Variants in GMDS observed in about 807,000 individuals in gnomAD.
The protein encoded by GMDS is GDP-mannose 4,6 dehydratase.
A neutral mutation model predicts 49.9 loss-of-function variants in GMDS; 20 were observed. That is an observed-to-expected ratio of 0.40 (90% CI 0.28 to 0.58). GMDS has a LOEUF of 0.58. GMDS is among the 20% of genes least tolerant of loss of function. The pLI is 0.42. For missense variants in GMDS, 362 were observed against 481.4 expected (o/e 0.75, Z 2.32); for synonymous variants, 177 against 178.6 (o/e 0.99, Z 0.07).
At chr6:2,144,908 C>T (rs1776477024) in intron 1 of GMDS, among the ~76,000 whole-genome samples, 1 of 152,060 alleles carries the variant, frequency 6.6e-6, no homozygotes, top group African/African-American at 2.4e-5. Flanking sequence ...ACTCAAAGCA[C>T]ATCAACAATA....
intron 4 of GMDS, among the ~76,000 whole-genome samples, chr6:1,987,313 T>C (rs1481776857): frequency 1.3e-5 from 2 of 152,222 alleles, no homozygotes; most frequent in African/African-American, 2.4e-5. Context: ...TTTATATACA[T>C]ACATTTAAAA....
At chr6:1,628,461 G>T (rs1762907344) in intron 9 of GMDS, among the ~76,000 whole-genome samples, 1 of 152,180 alleles carries the variant, frequency 6.6e-6, no homozygotes, top group Non-Finnish European at 1.5e-5. Flanking sequence ...ACCATTGTGG[G>T]GAATGCTATT....
At chr6:1,996,872 T>C (rs920288508) in intron 4 of GMDS, among the ~76,000 whole-genome samples, 4 of 152,082 alleles carry the variant, frequency 2.6e-5, no homozygotes, top group Non-Finnish European at 2.9e-5. Flanking sequence ...AAAACAGAAA[T>C]TGACAGACAA....
chr6:2,080,288 G>A (rs774749487), intron 4 of GMDS, among the ~76,000 whole-genome samples: 1 of 152,158 alleles, frequency 6.6e-6, no homozygotes, highest in African/African-American at 2.4e-5. Context: ...AATCAAGAAT[G>A]TGAATTATTT....
chr6:1,888,012 A>C (rs1229382703), intron 7 of GMDS, among the ~76,000 whole-genome samples: 1 of 152,062 alleles, frequency 6.6e-6, no homozygotes, highest in African/African-American at 2.4e-5. Context: ...GTAACGGTGC[A>C]ATCATGGCTG....
chr6:2,161,038 G>A (rs1215816110), intron 1 of GMDS, among the ~76,000 whole-genome samples: 1 of 151,784 alleles, frequency 6.6e-6, no homozygotes, highest in African/African-American at 2.4e-5. Context: ...TTGAGACGGA[G>A]TCTCTCTCTG....
At chr6:2,238,075 G>A (rs1250349922) in intron 1 of GMDS, among the ~76,000 whole-genome samples, 2 of 151,970 alleles carry the variant, frequency 1.3e-5, no homozygotes, top group Non-Finnish European at 2.9e-5. Context: ...AGCCACCTCT[G>A]AGCACTTTTA....
chr6:1,847,209 C>T (rs186750477), intron 7 of GMDS, among the ~76,000 whole-genome samples: 397 of 152,228 alleles, frequency 2.6e-3, no homozygotes, highest in Admixed American at 4.1e-3. Flanking sequence ...GTACAAGCCA[C>T]CACGCCTGGC....
intron 1 of GMDS, among the ~76,000 whole-genome samples, chr6:2,146,066 T>C (rs1011424755): frequency 2.0e-5 from 3 of 152,208 alleles, no homozygotes; most frequent in African/African-American, 4.8e-5. Flanking sequence ...GAGTTTTCAT[T>C]AGCAATCATG....
chr6:1,670,132 G>A (rs574866264), intron 9 of GMDS, among the ~76,000 whole-genome samples: 6 of 152,036 alleles, frequency 3.9e-5, no homozygotes, highest in East Asian at 1.9e-4. Context: ...CGCTGCGCAC[G>A]TGCACCGCAC....
rs558054333 is a variant in GMDS at position 1,644,746 on chromosome 6, A to G, written c.988-20206T>C. Among the ~76,000 whole-genome samples, 118 of 152,102 alleles carry G rather than the reference A, an allele frequency of 7.8e-4. 1 individual carries two copies. The highest frequency in any genetic ancestry group is 3.4e-3 in the Middle Eastern group (1 of 294). On this transcript the variant is annotated intron_variant, in intron 9 of 10. Transcript: ENST00000380815. Reference sequence around the variant, plus strand: ...AGAGCCAGGGTTCACGGCCACCCCCACTGCCGTTTCTTGCACCTGTACTGT... The same window carrying G: ...AGAGCCAGGGTTCACGGCCACCCCCGCTGCCGTTTCTTGCACCTGTACTGT...
At chr6:2,208,577 G>A (rs1157458139) in intron 1 of GMDS, among the ~76,000 whole-genome samples, 7 of 152,122 alleles carry the variant, frequency 4.6e-5, no homozygotes, top group Admixed American at 4.6e-4. Context: ...TACTGATGGA[G>A]GCCCACATAT....
At chr6:1,982,475 T>TAGAAAACCCCATTGTCTCAGC (rs1287141424) in intron 4 of GMDS, among the ~76,000 whole-genome samples, 2 of 152,192 alleles carry the variant, frequency 1.3e-5, no homozygotes, top group Non-Finnish European at 2.9e-5. Context: ...ATCCTGTATC[T>TAGAAAACCCCATTGTCTCAGC]AGAAAACCCC....
chr6:1,652,322 A>G (rs1763677220), intron 9 of GMDS, among the ~76,000 whole-genome samples: 1 of 122,662 alleles, frequency 8.2e-6, no homozygotes, highest in Non-Finnish European at 1.6e-5. Flanking sequence ...CAGTGAGCTG[A>G]GATCGTGCCA....
rs937636382 is a variant in GMDS at position 2,191,617 on chromosome 6, G to C, written c.102+53704C>G. On this transcript the variant is annotated intron_variant, in intron 1 of 10. Transcript: ENST00000380815. The surrounding 1 kb of genome is among the most constrained non-coding windows in gnomAD (Gnocchi z 4.6). ...CCTGCTATGATCTCCGAATGGGGTT[G>C]GGGCCAAGCCGGGGAGCTGTCACAG... Among the ~76,000 whole-genome samples, 21 of 152,342 alleles carry C rather than the reference G, an allele frequency of 1.4e-4. No individual in the cohort carries two copies. In the East Asian group the frequency reaches 4.1e-3, roughly 29 times the overall value.
At chr6:1,656,959 G>A (rs548266844) in intron 9 of GMDS, among the ~76,000 whole-genome samples, 6 of 152,090 alleles carry the variant, frequency 3.9e-5, no homozygotes, top group African/African-American at 7.2e-5. Context: ...GAAGTCTGGC[G>A]CCAAGAGCAC....
At chr6:1,951,988 A>G (rs1763360948) in intron 6 of GMDS, 1 of 980,670 alleles carries the variant, frequency 1.0e-6, no homozygotes, top group African/African-American at 1.8e-5. Context: ...TTCAACTCTA[A>G]AATTCGTATA....
chr6:2,117,240 C>G (rs566929327), intron 3 of GMDS, among the ~76,000 whole-genome samples: 1 of 152,306 alleles, frequency 6.6e-6, no homozygotes, highest in Non-Finnish European at 1.5e-5. Context: ...TCCAAGCCAT[C>G]TACTTCATAG....
chr6:1,626,580 A>T (rs1024180123), intron 9 of GMDS, among the ~76,000 whole-genome samples: 3 of 152,188 alleles, frequency 2.0e-5, no homozygotes, highest in African/African-American at 7.2e-5. Flanking sequence ...CATGCAGCCC[A>T]TCCCTCCCCT....
Sources: gnomAD v4.1 joint callset for allele counts (sites outside exome capture counted in the v4.1 genomes callset) on GRCh38, gnomAD v4.1.1 for gene constraint, Gnocchi (gnomAD v3.1) non-coding constraint, MANE v1.5 for transcripts, NCBI Gene and HGNC (gene_info 2026-07-23, HGNC 2026-07-21) for gene names.